DHRS2: variants seen among roughly 807,000 people sequenced by gnomAD.
DHRS2 encodes dehydrogenase/reductase 2, also known as dehydrogenase/reductase SDR family member 2, mitochondrial.
Under a neutral mutation model 26.3 loss-of-function variants are expected in DHRS2, and 29 were observed. The ratio of observed to expected loss-of-function variants is 1.10; its 90% CI spans 0.82 to 1.50. The LOEUF is 1.50. DHRS2 is among the 40% of genes most tolerant of loss of function. The probability of loss-of-function intolerance (pLI) is 0.00; values close to 1 mark genes in which losing one functional copy is unlikely to be tolerated. For synonymous variants in DHRS2, 164 were observed against 151.3 expected, an observed-to-expected ratio of 1.08 and a Z score of -0.62; for missense variants, 439 against 367.1, an observed-to-expected ratio of 1.20 and a Z score of -1.60.
intron 3 of DHRS2, 72 bp downstream of exon 3, chr14:23,639,428 G>A (rs1479391646): frequency 6.8e-7 from 1 of 1,472,734 alleles, no homozygotes; most frequent in Non-Finnish European, 9.0e-7. Context: ...CTTGGCCCTT[G>A]TGGGGTGGGT....
chr14:23,635,099 C>T (rs140389519), upstream of DHRS2, among the ~76,000 whole-genome samples: 1 of 151,858 alleles, frequency 6.6e-6, no homozygotes, highest in South Asian at 2.1e-4. Context: ...GTCTTGCTCT[C>T]TCTCCCAGGC....
chr14:23,637,212 C>T (rs1252170196), intron 1 of DHRS2, among the ~76,000 whole-genome samples: 2 of 152,118 alleles, frequency 1.3e-5, no homozygotes, highest in Non-Finnish European at 2.9e-5. Context: ...TAGGCTAGTC[C>T]CACTTCTAAA....
Position 23,639,069 on chromosome 14 carries a change from C to T in DHRS2, c.140+65C>T, listed in dbSNP as rs908875787. 22 of 1,596,750 alleles carry T rather than the reference C, an allele frequency of 1.4e-5. No individual in the cohort carries two copies. In the Middle Eastern group the frequency reaches 8.9e-4, roughly 64 times the overall value. On this transcript the variant is annotated intron_variant, in intron 2 of 8. Transcript: ENST00000250383. ...GGTCCTTGTGGCTTCCACAAGGACTCAGGGTTTTAAAGCAAGACCCAGCCT... is the reference window on the plus strand; with the variant it reads ...GGTCCTTGTGGCTTCCACAAGGACTTAGGGTTTTAAAGCAAGACCCAGCCT...
chr14:23,633,380 G>T (rs1401261992), upstream of DHRS2, among the ~76,000 whole-genome samples: 2 of 152,080 alleles, frequency 1.3e-5, no homozygotes. Context: ...GCTTTCTCAG[G>T]CATGAGCCCC....
chr14:23,636,780 C>T lies in DHRS2; in HGVS notation c.-39+8C>T, dbSNP rs1252082559. On this transcript the variant is annotated splice_region_variant and intron_variant, in intron 1 of 8. Coordinates refer to ENST00000250383, the MANE Select transcript of DHRS2 (RefSeq NM_005794.4). ...ATCACCTATCGCCAAGTGGTGAGTA[C>T]CATCAGATCCCTTTCATTTGCTATT... The T allele has an allele frequency of 6.6e-6, 1 of 152,182 alleles. No homozygotes were observed. Among genetic ancestry groups the T allele is most frequent in the African/African-American group, 2.4e-5 (1 of 41,438 alleles). 9.4% of individuals were successfully genotyped at this position (152,182 alleles called of 1,614,324 possible).
intron 5 of DHRS2, 85 bp downstream of exon 5, chr14:23,643,304 G>A: frequency 7.8e-7 from 1 of 1,277,262 alleles, no homozygotes; most frequent in Non-Finnish European, 1.1e-6. Context: ...AGCCAGTAGT[G>A]GGTAGAGGAC....
chr14:23,637,305 C>T (rs1388447586), intron 1 of DHRS2, among the ~76,000 whole-genome samples: 11 of 152,288 alleles, frequency 7.2e-5, no homozygotes, highest in Non-Finnish European at 4.4e-5. Flanking sequence ...CTGTTACCTT[C>T]TTTAGGCACC....
chr14:23,640,426 C>A (rs1043439706), intron 4 of DHRS2: 40 of 985,360 alleles, frequency 4.1e-5, no homozygotes, highest in Non-Finnish European at 4.7e-5. Context: ...GACATCCCAG[C>A]CTGCTGTAAG....
At position 23,637,842 on chromosome 14, in the gene DHRS2, G is replaced by A. The variant is rs151218580; in HGVS notation, c.-38-985G>A. Among the ~76,000 whole-genome samples, 567 of 152,188 alleles carry A rather than the reference G, an allele frequency of 3.7e-3. 2 individuals are homozygous for A. Among genetic ancestry groups the A allele is most frequent in the Admixed American group, 5.6e-3 (86 of 15,294 alleles). The stretch of plus-strand genomic sequence containing the variant: ...ACAGCAATCAGCACTCTGTCAAAAT[G>A]GACCAATCAGCTCTCTATAAAACAG... On this transcript the variant is annotated intron_variant, in intron 1 of 8. Transcript: ENST00000250383.
upstream of DHRS2, among the ~76,000 whole-genome samples, chr14:23,635,411 G>T (rs1434205441): frequency 6.6e-6 from 1 of 152,170 alleles, no homozygotes; most frequent in Non-Finnish European, 1.5e-5. Context: ...TTTCCAGTTT[G>T]GAACATTCTA....
chr14:23,641,231 AAGG>A (rs2138385581), intron 4 of DHRS2: 1 of 168,558 alleles, frequency 5.9e-6, no homozygotes, highest in South Asian at 1.6e-4. Flanking sequence ...GGTGTCCTGT[AAGG>A]AGAATTCCTT....
At position 23,645,574 on chromosome 14, in the gene DHRS2, TC is replaced by T. The variant is rs1339889466; in HGVS notation, c.*323del. On this transcript the variant is annotated 3_prime_UTR_variant, in exon 9 of 9. Coordinates refer to ENST00000250383, the MANE Select transcript of DHRS2 (RefSeq NM_005794.4). ...GCTCAGGCCTTTGAAGGATTTCAGCTCCTCCTCTCTGTAATTTGTGCTTTAA... is the reference window on the plus strand; with the variant it reads ...GCTCAGGCCTTTGAAGGATTTCAGCTCTCCTCTCTGTAATTTGTGCTTTAA... 2.4e-6 allele frequency: 1 copy of T among 413,738 alleles called. No homozygotes were observed. Among genetic ancestry groups the T allele is most frequent in the Non-Finnish European group, 4.3e-6 (1 of 231,812 alleles). The allele number at this position is 413,738 out of a possible 1,614,324, so 25.6% of individuals were successfully genotyped here.
chr14:23,645,293 A>C lies in DHRS2; in HGVS notation c.*40A>C, dbSNP rs748054698. 5.6e-6 allele frequency: 9 copies of C among 1,613,346 alleles called. No individual in the cohort carries two copies. The highest frequency in any genetic ancestry group is 7.6e-6 in the Non-Finnish European group (9 of 1,180,034). ...GCTGCGTAGCTGTGGTCCCAGGCCCAGGAGCCTGAGGGGGTGTCTAGGTGA... is the reference window on the plus strand; with the variant it reads ...GCTGCGTAGCTGTGGTCCCAGGCCCCGGAGCCTGAGGGGGTGTCTAGGTGA... On this transcript the variant is annotated 3_prime_UTR_variant, in exon 9 of 9. Coordinates refer to ENST00000250383, the MANE Select transcript of DHRS2 (RefSeq NM_005794.4).
At chr14:23,631,740 G>C (rs1481732947), upstream of DHRS2, among the ~76,000 whole-genome samples, 1 of 152,134 alleles carries the variant, frequency 6.6e-6, no homozygotes, top group Non-Finnish European at 1.5e-5. Context: ...ACCATTCTAA[G>C]CTCCCAGGAC....
intron 4 of DHRS2, chr14:23,640,417 A>G (rs946390220): frequency 6.1e-6 from 6 of 985,342 alleles, no homozygotes; most frequent in Non-Finnish European, 4.8e-6. Flanking sequence ...GGGGGCTTAG[A>G]CATCCCAGCC....
chr14:23,640,019 G>A (rs754616186), intron 4 of DHRS2, 124 bp downstream of exon 4: 65 of 901,318 alleles, frequency 7.2e-5, no homozygotes, highest in Non-Finnish European at 9.1e-5. Flanking sequence ...CAGGCCCTGG[G>A]TGGTAGTCCT....
chr14:23,642,319 T>C (rs1422523449), intron 4 of DHRS2: 2 of 227,302 alleles, frequency 8.8e-6, no homozygotes, highest in Non-Finnish European at 1.4e-5. Flanking sequence ...ACTCTTGCTT[T>C]TTCTTATTTT....
At chr14:23,636,870 A>C (rs993691566) in intron 1 of DHRS2, 98 bp downstream of exon 1, 1 of 152,210 alleles carries the variant, frequency 6.6e-6, no homozygotes, top group African/African-American at 2.4e-5. Context: ...GTTAAAAGTG[A>C]CTAGCGCAGC....
upstream of DHRS2, among the ~76,000 whole-genome samples, chr14:23,636,018 G>A (rs1169220430): frequency 1.3e-5 from 2 of 152,228 alleles, no homozygotes; most frequent in Non-Finnish European, 2.9e-5. Flanking sequence ...GAACTTTTCT[G>A]TCTAGCTAAA....
Sources: gnomAD v4.1 joint callset for allele counts (sites outside exome capture counted in the v4.1 genomes callset) on GRCh38, gnomAD v4.1.1 for gene constraint, MANE v1.5 for transcripts, NCBI Gene and HGNC (gene_info 2026-07-23, HGNC 2026-07-21) for gene names.